ADGRL3: variants seen among roughly 807,000 people sequenced by gnomAD.
The protein encoded by ADGRL3 is calcium-independent alpha-latrotoxin receptor 3.
In ADGRL3, 62 loss-of-function variants were observed where a neutral mutation model predicts 153.5. That is an observed-to-expected ratio of 0.40 (90% confidence interval 0.33 to 0.50). The LOEUF (loss-of-function observed/expected upper bound fraction) is 0.50. Among genes scored for constraint, ADGRL3 ranks in the 20% least tolerant of loss-of-function variants. The probability of loss-of-function intolerance (pLI) is 0.47; values close to 1 mark genes in which losing one functional copy is unlikely to be tolerated. For missense variants in ADGRL3, 1,641 were observed against 1,859.4 expected (o/e 0.88, Z 2.16); for synonymous variants, 710 against 672.5 (o/e 1.06, Z -0.86).
chr4:61,359,387 A>G (rs6826967), intron 1 of ADGRL3, among the ~76,000 whole-genome samples: 4,420 of 152,236 alleles, frequency 0.029, 195 homozygotes, highest in African/African-American at 0.099. Context: ...TAGCCTACCT[A>G]CTTCTACCAG....
chr4:61,887,681 C>G (rs145863935), intron 9 of ADGRL3, among the ~76,000 whole-genome samples: 1 of 151,988 alleles, frequency 6.6e-6, no homozygotes, highest in African/African-American at 2.4e-5. Context: ...CCTGTCTCTA[C>G]TAAAAATACA....
intron 2 of ADGRL3, among the ~76,000 whole-genome samples, chr4:61,479,491 T>C (rs1238473882): frequency 4.6e-5 from 7 of 152,090 alleles, no homozygotes; most frequent in Admixed American, 6.6e-5. Flanking sequence ...TGCCCACTGA[T>C]AGGAATGATT....
At chr4:62,057,678 A>G (rs1737784930) in intron 25 of ADGRL3, among the ~76,000 whole-genome samples, 1 of 151,890 alleles carries the variant, frequency 6.6e-6, no homozygotes, top group Non-Finnish European at 1.5e-5. Context: ...GTTTTTCTTT[A>G]TTATTTATTC....
chr4:61,242,746 A>C (rs1348609925), intron 1 of ADGRL3, among the ~76,000 whole-genome samples: 1 of 152,104 alleles, frequency 6.6e-6, no homozygotes, highest in Non-Finnish European at 1.5e-5. Context: ...CTGTATAGGA[A>C]TGTGCTCTTA....
chr4:61,524,768 C>A (rs1282752640), intron 4 of ADGRL3, among the ~76,000 whole-genome samples: 1 of 152,104 alleles, frequency 6.6e-6, no homozygotes, highest in East Asian at 1.9e-4. Flanking sequence ...TTTTGACTTT[C>A]TGTTTTATAA....
At chr4:61,341,096 A>G (rs1206465704) in intron 1 of ADGRL3, among the ~76,000 whole-genome samples, 2 of 152,014 alleles carry the variant, frequency 1.3e-5, no homozygotes, top group Non-Finnish European at 2.9e-5. Context: ...ACATATATAT[A>G]TAGACACACA....
intron 21 of ADGRL3, among the ~76,000 whole-genome samples, chr4:62,011,277 A>C (rs2099185213): frequency 6.6e-6 from 1 of 152,146 alleles, no homozygotes. Flanking sequence ...GGAAATGGAG[A>C]CTCAAGGAAC....
intron 1 of ADGRL3, among the ~76,000 whole-genome samples, chr4:61,219,146 T>C (rs907810131): frequency 6.6e-6 from 1 of 152,176 alleles, no homozygotes; most frequent in African/African-American, 2.4e-5. Context: ...CTGCATTGCA[T>C]AGTACCCATT....
intron 9 of ADGRL3, among the ~76,000 whole-genome samples, chr4:61,823,921 C>T (rs1341374899): frequency 2.6e-5 from 4 of 151,950 alleles, no homozygotes; most frequent in African/African-American, 9.7e-5. Flanking sequence ...ATTAGCTGGG[C>T]GTGGTGGCAC....
intron 4 of ADGRL3, among the ~76,000 whole-genome samples, chr4:61,521,903 A>AAAACT: frequency 6.6e-6 from 1 of 152,170 alleles, no homozygotes; most frequent in East Asian, 1.9e-4. Flanking sequence ...ATCTGAAAAA[A>AAAACT]AAACTAAACT....
Position 61,909,728 on chromosome 4 carries a change from G to T in ADGRL3, c.2056G>T (p.Ala686Ser), listed in dbSNP as rs1408807293. 3 of 1,558,848 alleles carry T rather than the reference G, an allele frequency of 1.9e-6. No individual in the cohort carries two copies. Among genetic ancestry groups the T allele is most frequent in the Middle Eastern group, 1.7e-4 (1 of 5,988 alleles). ...GACCCCAGGTGGAAAAGATAGTGCTGCCCGGAGTTTGAACAAGGTAAGGAC... is the reference window on the plus strand; with the variant it reads ...GACCCCAGGTGGAAAAGATAGTGCTTCCCGGAGTTTGAACAAGGTAAGGAC... ...NLTPGGKDSA[A>S]RSLNKLQKRE... Residue 686 changes from alanine (A) to serine (S), a missense_variant, in exon 12 of 27, where the codon GCC becomes TCC. Coordinates refer to ENST00000683033, the MANE Select transcript of ADGRL3 (RefSeq NM_001387552.1).
chr4:61,710,280 T>A (rs2095945274), intron 6 of ADGRL3, among the ~76,000 whole-genome samples: 1 of 152,104 alleles, frequency 6.6e-6, no homozygotes, highest in Non-Finnish European at 1.5e-5. Flanking sequence ...TAGGGGACAT[T>A]TACATAAAGA....
At chr4:61,646,380 GT>G (rs1297855752) in intron 5 of ADGRL3, among the ~76,000 whole-genome samples, 1 of 151,814 alleles carries the variant, frequency 6.6e-6, no homozygotes, top group Non-Finnish European at 1.5e-5. Context: ...AGAGTTTCCA[GT>G]TTTTCTGCTC....
chr4:61,443,381 C>T (rs901277250), intron 2 of ADGRL3, among the ~76,000 whole-genome samples: 1 of 151,904 alleles, frequency 6.6e-6, no homozygotes, highest in Non-Finnish European at 1.5e-5. Context: ...GAGGCATGTT[C>T]TTTTATCATT....
At chr4:61,684,571 T>C (rs1287787360) in intron 6 of ADGRL3, among the ~76,000 whole-genome samples, 1 of 151,994 alleles carries the variant, frequency 6.6e-6, no homozygotes, top group Non-Finnish European at 1.5e-5. Flanking sequence ...CGTAAAGACT[T>C]TAGAGCAAAG....
At chr4:61,978,857 A>G (rs899894734) in intron 17 of ADGRL3, among the ~76,000 whole-genome samples, 1 of 146,538 alleles carries the variant, frequency 6.8e-6, no homozygotes, top group Non-Finnish European at 1.5e-5. Flanking sequence ...TTTTCTGTCA[A>G]TGTATAACAG....
At chr4:61,249,146 C>G (rs1758214516) in intron 1 of ADGRL3, among the ~76,000 whole-genome samples, 1 of 152,038 alleles carries the variant, frequency 6.6e-6, no homozygotes, top group African/African-American at 2.4e-5. Context: ...GGTTTTTTTG[C>G]AGGATGAAAT....
intron 8 of ADGRL3, among the ~76,000 whole-genome samples, chr4:61,791,642 G>A (rs2097343116): frequency 6.6e-6 from 1 of 152,194 alleles, no homozygotes; most frequent in African/African-American, 2.4e-5. Context: ...GGGACTTTGT[G>A]TGGAGTTCCT....
intron 19 of ADGRL3, among the ~76,000 whole-genome samples, chr4:61,988,341 A>C (rs1197755567): frequency 1.3e-5 from 2 of 152,190 alleles, no homozygotes; most frequent in Admixed American, 1.3e-4. Flanking sequence ...TCTTAAAAAA[A>C]ACTCTGCTAG....
Sources: allele counts gnomAD v4.1 joint callset (sites outside exome capture counted in the v4.1 genomes callset), GRCh38; gene constraint gnomAD v4.1.1; transcripts MANE v1.5; gene names NCBI Gene and HGNC (gene_info 2026-07-23, HGNC 2026-07-21).